Variants in CTNNA3 observed in about 807,000 individuals in gnomAD.
CTNNA3 encodes catenin alpha-3.
In CTNNA3, 76 loss-of-function variants were observed where a neutral mutation model predicts 95.7. That is an observed-to-expected ratio of 0.79 (90% confidence interval 0.66 to 0.96). CTNNA3 has a LOEUF of 0.96. Ranked by LOEUF, CTNNA3 falls within the 40% of genes least tolerant of loss-of-function variation. CTNNA3 has a pLI of 0.00. For missense variants in CTNNA3, 1,191 were observed against 1,089.8 expected, an observed-to-expected ratio of 1.09 and a Z score of -1.31; for synonymous variants, 431 against 374.4, an observed-to-expected ratio of 1.15 and a Z score of -1.74.
At chr10:67,010,554 G>A (rs961388443) in intron 7 of CTNNA3, among the ~76,000 whole-genome samples, 1 of 152,164 alleles carries the variant, frequency 6.6e-6, no homozygotes, top group African/African-American at 2.4e-5. Flanking sequence ...AGAAGAGTGG[G>A]GGGAGCACTA....
chr10:66,193,916 C>T (rs2086811881), intron 13 of CTNNA3, among the ~76,000 whole-genome samples: 5 of 152,074 alleles, frequency 3.3e-5, no homozygotes, highest in Admixed American at 2.6e-4. Context: ...AATATATTGT[C>T]CATACACAGC....
At chr10:66,268,374 T>C (rs1338066118) in intron 13 of CTNNA3, among the ~76,000 whole-genome samples, 1 of 152,108 alleles carries the variant, frequency 6.6e-6, no homozygotes. Flanking sequence ...TTGTTAACTG[T>C]AACTTATTCT....
intron 7 of CTNNA3, among the ~76,000 whole-genome samples, chr10:66,895,050 T>TAAA (rs1156883929): frequency 8.2e-5 from 1 of 12,150 alleles, no homozygotes; most frequent in African/African-American, 2.6e-4. Flanking sequence ...GTGAAACAAA[T>TAAA]AAACAAAAAA....
intron 17 of CTNNA3, among the ~76,000 whole-genome samples, chr10:65,932,934 G>A (rs903788477): frequency 2.0e-5 from 3 of 152,196 alleles, no homozygotes; most frequent in Middle Eastern, 3.4e-3. Context: ...ACCATTTCAA[G>A]GGGAAGATTG....
chr10:67,460,496 A>G (rs2132991700), intron 5 of CTNNA3, among the ~76,000 whole-genome samples: 1 of 152,352 alleles, frequency 6.6e-6, no homozygotes, highest in Non-Finnish European at 1.5e-5. Context: ...TCTCAAAAAA[A>G]GAGACATACT....
intron 10 of CTNNA3, among the ~76,000 whole-genome samples, chr10:66,543,167 C>T (rs771060654): frequency 3.3e-5 from 5 of 152,066 alleles, no homozygotes; most frequent in Non-Finnish European, 5.9e-5. Context: ...CGGCTCACTG[C>T]AATCAATCCC....
chr10:67,703,003 C>T (rs368128514), intron 1 of CTNNA3, among the ~76,000 whole-genome samples: 22 of 152,250 alleles, frequency 1.4e-4, no homozygotes, highest in South Asian at 8.3e-4. Context: ...AACACCTCTA[C>T]GCAAATAAAC....
At chr10:67,096,381 AT>A (rs931160380) in intron 7 of CTNNA3, among the ~76,000 whole-genome samples, 2 of 151,862 alleles carry the variant, frequency 1.3e-5, no homozygotes, top group African/African-American at 4.8e-5. Flanking sequence ...TAATAAAAAA[AT>A]AATACCTAGG....
chr10:65,999,477 C>T (rs930824609), intron 15 of CTNNA3, among the ~76,000 whole-genome samples: 62 of 152,250 alleles, frequency 4.1e-4, no homozygotes, highest in African/African-American at 1.4e-3. Flanking sequence ...TAGGAGACCA[C>T]TATCTTAAGC....
chr10:67,123,061 A>G (rs552743076), intron 7 of CTNNA3, among the ~76,000 whole-genome samples: 2 of 152,238 alleles, frequency 1.3e-5, no homozygotes, highest in South Asian at 2.1e-4. Flanking sequence ...ATTAAATACA[A>G]TTTGGAAAGG....
In CTNNA3 at chr10:65,951,856, C is replaced by T. The variant is rs373346442; in HGVS notation, c.2400+14756G>A. Among the ~76,000 whole-genome samples, 411 of 152,060 alleles carry T rather than the reference C, an allele frequency of 2.7e-3. 3 individuals are homozygous for T. The highest frequency in any genetic ancestry group is 9.5e-3 in the African/African-American group (393 of 41,480). On this transcript the variant is annotated intron_variant, in intron 17 of 17. Transcript: ENST00000433211. ...CATCCTGGCTAACACGGTGAAACCC[C>T]GTCTCTACTAAAAATACAAAAAAAT...
intron 7 of CTNNA3, among the ~76,000 whole-genome samples, chr10:67,173,230 GA>G (rs1317343441): frequency 6.6e-6 from 1 of 152,084 alleles, no homozygotes; most frequent in African/African-American, 2.4e-5. Context: ...TTTTCAGCTG[GA>G]AATACCAGCT....
chr10:66,053,884 G>A (rs977436329), intron 15 of CTNNA3, among the ~76,000 whole-genome samples: 1 of 151,910 alleles, frequency 6.6e-6, no homozygotes, highest in Non-Finnish European at 1.5e-5. Context: ...CTATATGTTT[G>A]TACCCATTAA....
chr10:66,763,853 C>T (rs1839724835), intron 9 of CTNNA3, among the ~76,000 whole-genome samples: 1 of 152,150 alleles, frequency 6.6e-6, no homozygotes, highest in Non-Finnish European at 1.5e-5. Flanking sequence ...AACGCACTTC[C>T]AGTCATGTGA....
chr10:65,987,627 A>T (rs533423422), intron 16 of CTNNA3, among the ~76,000 whole-genome samples: 1 of 151,990 alleles, frequency 6.6e-6, no homozygotes, highest in Admixed American at 6.5e-5. Flanking sequence ...TTTAAAAACT[A>T]CTACTAATAA....
At chr10:65,953,300 A>G (rs1390106286) in intron 17 of CTNNA3, among the ~76,000 whole-genome samples, 3 of 152,130 alleles carry the variant, frequency 2.0e-5, no homozygotes, top group African/African-American at 7.2e-5. Context: ...TAGGACATTC[A>G]TACATCAAGA....
At chr10:66,590,532 A>T (rs2132227291) in intron 10 of CTNNA3, among the ~76,000 whole-genome samples, 1 of 152,236 alleles carries the variant, frequency 6.6e-6, no homozygotes, top group African/African-American at 2.4e-5. Context: ...CGGTTAAAAC[A>T]GTCTAAAAAG....
At chr10:67,357,695 A>G (rs1030421462) in intron 5 of CTNNA3, among the ~76,000 whole-genome samples, 11 of 152,074 alleles carry the variant, frequency 7.2e-5, no homozygotes, top group African/African-American at 2.7e-4. Context: ...ATTTTTGAAC[A>G]AAGTAGCTGA....
intron 7 of CTNNA3, among the ~76,000 whole-genome samples, chr10:67,096,134 T>C (rs1857977099): frequency 6.6e-6 from 1 of 151,904 alleles, no homozygotes; most frequent in African/African-American, 2.4e-5. Flanking sequence ...AGAACTAAGC[T>C]ATATATATTT....
Sources: allele counts gnomAD v4.1 joint callset (sites outside exome capture counted in the v4.1 genomes callset), GRCh38; gene constraint gnomAD v4.1.1; transcripts MANE v1.5; gene names NCBI Gene and HGNC (gene_info 2026-07-23, HGNC 2026-07-21).